DLC1: variants seen among roughly 807,000 people sequenced by gnomAD.
DLC1 encodes rho GTPase-activating protein 7.
Under a neutral mutation model 140.3 loss-of-function variants are expected in DLC1, and 54 were observed. The ratio of observed to expected loss-of-function variants is 0.38; its 90% CI spans 0.31 to 0.48. DLC1 has a LOEUF of 0.48. Among genes scored for constraint, DLC1 ranks in the 20% least tolerant of loss-of-function variants. DLC1 has a pLI of 0.96. For synonymous variants in DLC1, 986 were observed against 728.1 expected, an observed-to-expected ratio of 1.35 and a Z score of -5.70; for missense variants, 2,536 against 1,907.0, an observed-to-expected ratio of 1.33 and a Z score of -6.14.
intron 5 of DLC1, among the ~76,000 whole-genome samples, chr8:13,261,576 T>G (rs1036619498): frequency 2.0e-5 from 3 of 151,954 alleles, no homozygotes; most frequent in Non-Finnish European, 4.4e-5. Context: ...GGGAGGCCAG[T>G]TGAGGAGTGA....
chr8:13,560,383 A>T (rs1266819845), intron 1 of DLC1, among the ~76,000 whole-genome samples: 1 of 152,222 alleles, frequency 6.6e-6, no homozygotes, highest in Non-Finnish European at 1.5e-5. Context: ...CTGGCCAGAC[A>T]GGTTTGTGAT....
At chr8:13,301,200 A>G (rs560851947) in intron 5 of DLC1, among the ~76,000 whole-genome samples, 1 of 151,598 alleles carries the variant, frequency 6.6e-6, no homozygotes, top group East Asian at 1.9e-4. Flanking sequence ...CCTGTTTCCA[A>G]GAGAGAATTT....
rs117598618 is a variant in DLC1 at position 13,447,547 on chromosome 8, T to C, written c.1024-45928A>G. 9.4e-4 allele frequency among the ~76,000 whole-genome samples: 143 copies of C among 152,286 alleles called. 2 individuals are homozygous for C. In the East Asian group the frequency reaches 0.025, roughly 26 times the overall value. On this transcript the variant is annotated intron_variant, in intron 2 of 17. Transcript: ENST00000276297. Reference sequence around the variant, plus strand: ...CTCTGCCTCTAGAGCTTTGTACTTATCTACATCTCAATACTATTTTAGAAA... The same window carrying C: ...CTCTGCCTCTAGAGCTTTGTACTTACCTACATCTCAATACTATTTTAGAAA...
At chr8:13,118,591 T>C (rs1450371343) in intron 5 of DLC1, among the ~76,000 whole-genome samples, 2 of 152,242 alleles carry the variant, frequency 1.3e-5, no homozygotes, top group Non-Finnish European at 2.9e-5. Context: ...AGTTGTCACA[T>C]ATTTTTTAGA....
At position 13,479,823 on chromosome 8, in the gene DLC1, G is replaced by GAGAAA. The variant is rs1563383362; in HGVS notation, c.1023+19225_1023+19226insTTTCT. 3.6e-3 allele frequency among the ~76,000 whole-genome samples: 30 copies of GAGAAA among 8,338 alleles called. 1 individual carries two copies. In the East Asian group the frequency reaches 0.055, roughly 15 times the overall value. 5.5% of individuals were successfully genotyped at this position (8,338 alleles called of 152,430 possible). ...AAGAAAAGAAGAAGAAGAAGAAGAA[G>GAGAAA]AAGAAGAAGAAGAAGAAGAAGAAGA... On this transcript the variant is annotated intron_variant, in intron 2 of 17. Coordinates refer to ENST00000276297, the MANE Select transcript of DLC1 (RefSeq NM_182643.3).
intron 7 of DLC1, among the ~76,000 whole-genome samples, chr8:13,110,457 G>A (rs370927833): frequency 2.0e-5 from 3 of 152,016 alleles, no homozygotes; most frequent in Non-Finnish European, 2.9e-5. Context: ...CTTAATCCAC[G>A]TTTCCAAACC....
In DLC1 at chr8:13,085,478, C is replaced by T. The variant is rs1817475081; in HGVS notation, c.*333G>A. Reference sequence around the variant, plus strand: ...AAATAAAGCGACACAGGTACGCATACACTGATATCACAAGAGAATGAAGTA... The same window carrying T: ...AAATAAAGCGACACAGGTACGCATATACTGATATCACAAGAGAATGAAGTA... On this transcript the variant is annotated 3_prime_UTR_variant, in exon 18 of 18. Transcript: ENST00000276297. 1 of 205,616 alleles carries T rather than the reference C, an allele frequency of 4.9e-6. No homozygotes were observed. Among genetic ancestry groups the T allele is most frequent in the Non-Finnish European group, 1.0e-5 (1 of 100,336 alleles). The allele number at this position is 205,616 out of a possible 1,614,324, so 12.7% of individuals were successfully genotyped here. A position where few individuals can be genotyped will look rare whatever the true frequency, so the allele number is the denominator to read the frequency against.
intron 5 of DLC1, among the ~76,000 whole-genome samples, chr8:13,299,604 G>A: frequency 6.6e-6 from 1 of 151,764 alleles, no homozygotes; most frequent in East Asian, 1.9e-4. Context: ...AGCTACGAGG[G>A]ATTCTATGGT....
chr8:13,100,296 G>T lies in DLC1; in HGVS notation c.2041C>A (p.His681Asn). Reference sequence around the variant, plus strand: ...TTTGAGGGCGCTTTGTGCTTGCTGTGATGGGAGCTCTTGAGCTTCAGGCTC... The same window carrying T: ...TTTGAGGGCGCTTTGTGCTTGCTGTTATGGGAGCTCTTGAGCTTCAGGCTC... ...MESLKLKSSH[H>N]SKHKAPSKLG... Residue 681 changes from histidine to asparagine, a missense_variant, in exon 9 of 18, where the codon CAC (histidine) becomes AAC (asparagine). Physicochemically the swap from His to Asn is moderately conservative, Grantham distance 68 (BLOSUM62 1). Coordinates refer to ENST00000276297, the MANE Select transcript of DLC1 (RefSeq NM_182643.3). 6.2e-7 allele frequency: 1 copy of T among 1,614,148 alleles called. No individual in the cohort carries two copies.
chr8:13,122,803 A>G (rs1424286442), intron 5 of DLC1, among the ~76,000 whole-genome samples: 3 of 68,892 alleles, frequency 4.4e-5, no homozygotes. Context: ...GCATAGTCTG[A>G]AAAAAAAAAA....
chr8:13,530,789 A>G (rs1400954963), intron 1 of DLC1, among the ~76,000 whole-genome samples: 1 of 152,230 alleles, frequency 6.6e-6, no homozygotes, highest in East Asian at 1.9e-4. Flanking sequence ...AAATCTAGCT[A>G]CAAATCCAAA....
At chr8:13,387,033 A>G (rs1357974625) in intron 4 of DLC1, among the ~76,000 whole-genome samples, 1 of 152,082 alleles carries the variant, frequency 6.6e-6, no homozygotes, top group African/African-American at 2.4e-5. Flanking sequence ...AAATGTTTTA[A>G]TTAAAAACTG....
intron 4 of DLC1, among the ~76,000 whole-genome samples, chr8:13,382,474 C>G (rs188299): frequency 0.52 from 68,771 of 133,164 alleles, 18,150 homozygotes; most frequent in East Asian, 0.81. Flanking sequence ...CGCCACTGCA[C>G]TCCAGCCTGG....
chr8:13,589,971 G>A (rs1255654151), intron 1 of DLC1, among the ~76,000 whole-genome samples: 1 of 151,370 alleles, frequency 6.6e-6, no homozygotes, highest in Non-Finnish European at 1.5e-5. Flanking sequence ...TTCTTAGTAT[G>A]TCTTTGTTAT....
At chr8:13,187,651 A>G (rs369152281) in intron 5 of DLC1, among the ~76,000 whole-genome samples, 3 of 152,226 alleles carry the variant, frequency 2.0e-5, no homozygotes, top group Non-Finnish European at 4.4e-5. Context: ...TGGAGATACT[A>G]TGTGGGAAGC....
At chr8:13,442,026 A>G (rs1798535626) in intron 2 of DLC1, among the ~76,000 whole-genome samples, 1 of 152,224 alleles carries the variant, frequency 6.6e-6, no homozygotes, top group Non-Finnish European at 1.5e-5. Context: ...ATGGAATAGA[A>G]CAGAGCCCTC....
At chr8:13,178,964 A>T (rs1825896229) in intron 5 of DLC1, among the ~76,000 whole-genome samples, 1 of 152,256 alleles carries the variant, frequency 6.6e-6, no homozygotes, top group South Asian at 2.1e-4. Flanking sequence ...ACCAAAAGAC[A>T]TGTATTGAAA....
In DLC1 at chr8:13,504,685, G is replaced by C. The variant is rs144542970; in HGVS notation, c.-125-4489C>G. Reference sequence around the variant, plus strand: ...ATCAATGGTATCAGATTTGTCAAAAGTAACAGTGCAGGGAAGACGACAGGC... The same window carrying C: ...ATCAATGGTATCAGATTTGTCAAAACTAACAGTGCAGGGAAGACGACAGGC... On this transcript the variant is annotated intron_variant, in intron 1 of 17. Transcript: ENST00000276297. Among the ~76,000 whole-genome samples the C allele has an allele frequency of 2.3e-3, 346 of 152,298 alleles. 3 individuals are homozygous for C. The highest frequency in any genetic ancestry group is 7.6e-3 in the African/African-American group (315 of 41,572).
intron 3 of DLC1, among the ~76,000 whole-genome samples, chr8:13,395,285 C>G (rs934268823): frequency 6.6e-6 from 1 of 152,032 alleles, no homozygotes; most frequent in African/African-American, 2.4e-5. Flanking sequence ...CCACACCCAG[C>G]TAATTTTTTG....
Sources: gnomAD v4.1 joint callset for allele counts (sites outside exome capture counted in the v4.1 genomes callset) on GRCh38, gnomAD v4.1.1 for gene constraint, MANE v1.5 for transcripts, NCBI Gene and HGNC (gene_info 2026-07-23, HGNC 2026-07-21) for gene names.